The following LITAF variants were observed in gnomAD, a reference collection of about 807,000 sequenced individuals.
The protein encoded by LITAF is lipopolysaccharide induced TNF factor.
LITAF carries 9 observed loss-of-function variants against 14.5 expected under a neutral mutation model. That is an observed-to-expected ratio of 0.62 (90% confidence interval 0.37 to 1.08). The LOEUF (loss-of-function observed/expected upper bound fraction) is 1.08. Among genes scored for constraint, LITAF ranks in the 50% least tolerant of loss-of-function variants. The pLI, the probability that LITAF is intolerant of heterozygous loss-of-function variation, is 0.01. For missense variants in LITAF, 206 were observed against 213.4 expected, an observed-to-expected ratio of 0.97 and a Z score of 0.22; for synonymous variants, 98 against 88.2, an observed-to-expected ratio of 1.11 and a Z score of -0.62.
At chr16:11,580,526 T>G (rs8062453) in intron 1 of LITAF, among the ~76,000 whole-genome samples, 79,683 of 151,896 alleles carry the variant, frequency 0.52, 21,497 homozygotes, top group Non-Finnish European at 0.56. Flanking sequence ...AAAGTGCTGG[T>G]ATTACAGGCG....
intron 1 of LITAF, among the ~76,000 whole-genome samples, chr16:11,573,201 G>A (rs1325727752): frequency 1.3e-5 from 2 of 151,936 alleles, no homozygotes; most frequent in Non-Finnish European, 1.5e-5. Flanking sequence ...AAGGCCAGGG[G>A]TTACAGGAGT....
intron 3 of LITAF, among the ~76,000 whole-genome samples, chr16:11,609,496 G>C (rs921767130): frequency 6.6e-6 from 1 of 152,156 alleles, no homozygotes; most frequent in Non-Finnish European, 1.5e-5. Flanking sequence ...TTACAGGCGT[G>C]AGCCACCGTG....
intron 3 of LITAF, among the ~76,000 whole-genome samples, chr16:11,627,892 C>T (rs1221916833): frequency 6.6e-6 from 1 of 151,492 alleles, no homozygotes; most frequent in Non-Finnish European, 1.5e-5. Context: ...TACCACACAT[C>T]TGTAGTCCCA....
At chr16:11,579,324 G>A (rs541661974) in intron 1 of LITAF, among the ~76,000 whole-genome samples, 1,537 of 151,412 alleles carry the variant, frequency 0.01, 24 homozygotes, top group African/African-American at 0.035. Context: ...GGTGGCGGGC[G>A]CCTGTAGTCC....
chr16:11,575,186 G>A (rs2064611746), intron 1 of LITAF, among the ~76,000 whole-genome samples: 1 of 152,170 alleles, frequency 6.6e-6, no homozygotes, highest in South Asian at 2.1e-4. Flanking sequence ...AAAGGATTGA[G>A]AGATGTGGAC....
At chr16:11,623,421 G>A (rs1257882630) in intron 3 of LITAF, among the ~76,000 whole-genome samples, 1 of 151,754 alleles carries the variant, frequency 6.6e-6, no homozygotes, top group African/African-American at 2.4e-5. Flanking sequence ...CAGCACTTTG[G>A]GAGGCCGAGG....
intron 1 of LITAF, among the ~76,000 whole-genome samples, chr16:11,573,771 G>A (rs1190961134): frequency 8.1e-5 from 11 of 135,374 alleles, no homozygotes; most frequent in South Asian, 2.4e-4. Flanking sequence ...GCGCGATCTC[G>A]ACTCACTGCA....
At chr16:11,576,362 C>T (rs1385926048) in intron 1 of LITAF, among the ~76,000 whole-genome samples, 3 of 151,906 alleles carry the variant, frequency 2.0e-5, no homozygotes, top group African/African-American at 7.3e-5. Context: ...CCAGTTACTC[C>T]AGAGGCTAAG....
chr16:11,570,956 G>A (rs944744276), intron 1 of LITAF, among the ~76,000 whole-genome samples: 1 of 152,000 alleles, frequency 6.6e-6, no homozygotes, highest in Admixed American at 6.6e-5. Flanking sequence ...GGCTTTGAAG[G>A]GGGAGGAAGG....
At chr16:11,617,500 C>T (rs1005532759) in intron 3 of LITAF, among the ~76,000 whole-genome samples, 1 of 136,496 alleles carries the variant, frequency 7.3e-6, no homozygotes, top group Non-Finnish European at 1.5e-5. Flanking sequence ...TGGCACAACT[C>T]ACTGCAACTT....
chr16:11,565,457 G>A (rs2064436916), intron 1 of LITAF, among the ~76,000 whole-genome samples: 1 of 141,936 alleles, frequency 7.0e-6, no homozygotes, highest in African/African-American at 2.5e-5. Flanking sequence ...GGGGGGGTGG[G>A]GGGAGGTGCG....
chr16:11,612,401 C>T (rs927915783), intron 3 of LITAF, among the ~76,000 whole-genome samples: 2 of 152,216 alleles, frequency 1.3e-5, no homozygotes, highest in African/African-American at 4.8e-5. Flanking sequence ...GTCTCCCTCC[C>T]TGGCTTGGCC....
intron 3 of LITAF, among the ~76,000 whole-genome samples, chr16:11,604,545 G>A (rs867637691): frequency 4.0e-5 from 6 of 150,840 alleles, no homozygotes; most frequent in Admixed American, 2.0e-4. Flanking sequence ...GATGGCTCAC[G>A]CTTGTAATCC....
chr16:11,578,285 T>C (rs1186964549), intron 1 of LITAF, among the ~76,000 whole-genome samples: 1 of 152,076 alleles, frequency 6.6e-6, no homozygotes, highest in East Asian at 1.9e-4. Context: ...TCGCCAGGCG[T>C]GGTGGCTCAT....
intron 3 of LITAF, among the ~76,000 whole-genome samples, chr16:11,604,941 G>A (rs900180793): frequency 6.6e-6 from 1 of 152,146 alleles, no homozygotes; most frequent in Non-Finnish European, 1.5e-5. Flanking sequence ...TGAAGCCACT[G>A]CCATCTCGGT....
rs775942980 is a variant in LITAF, at chr16:11,556,607, C to T, written c.124G>A (p.Gly42Arg). Reference sequence around the variant, plus strand: ...CCCGTCACAAGCCCCGTAGTTGGCCCAGGCATGGGAGCTGGAGGTGTGGGG... The same window carrying T: ...CCCGTCACAAGCCCCGTAGTTGGCCTAGGCATGGGAGCTGGAGGTGTGGGG... ...YYPTPPAPMP[G>R]PTTGLVTGPD... Residue 42 changes from glycine to arginine, a missense_variant, in exon 2 of 4, where the codon GGG becomes AGG. Coordinates refer to ENST00000622633, the MANE Select transcript of LITAF (RefSeq NM_001136472.2). The T allele has an allele frequency of 1.2e-6, 2 of 1,614,200 alleles. No homozygotes were observed. Among genetic ancestry groups the T allele is most frequent in the Non-Finnish European group, 1.7e-6 (2 of 1,180,044 alleles).
chr16:11,578,886 A>G (rs1008349484), intron 1 of LITAF, among the ~76,000 whole-genome samples: 1 of 152,174 alleles, frequency 6.6e-6, no homozygotes, highest in Non-Finnish European at 1.5e-5. Context: ...TGAGGAGACA[A>G]GATGACTAAA....
At chr16:11,596,392 A>G (rs144343605) in intron 1 of LITAF, among the ~76,000 whole-genome samples, 110 of 148,382 alleles carry the variant, frequency 7.4e-4, no homozygotes, top group Non-Finnish European at 9.8e-4. Context: ...CTGTGTTTCT[A>G]TTTAACAAAA....
At chr16:11,587,203 C>T, upstream of LITAF, 1 of 367,670 alleles carries the variant, frequency 2.7e-6, no homozygotes, top group Non-Finnish European at 5.4e-6. Flanking sequence ...CTATCCTGCC[C>T]CTGCCTCTCG....
Sources: allele counts gnomAD v4.1 joint callset (sites outside exome capture counted in the v4.1 genomes callset), GRCh38; gene constraint gnomAD v4.1.1; transcripts MANE v1.5; gene names NCBI Gene and HGNC (gene_info 2026-07-23, HGNC 2026-07-21).